Variants in MTUS2 observed in about 807,000 individuals in gnomAD.
MTUS2 encodes microtubule-associated tumor suppressor candidate 2.
In MTUS2, 40 loss-of-function variants were observed where a neutral mutation model predicts 114.1. The ratio of observed to expected loss-of-function variants is 0.35; its 90% CI spans 0.27 to 0.46. MTUS2 has a LOEUF of 0.46. MTUS2 is among the 20% of genes least tolerant of loss of function. The probability of loss-of-function intolerance (pLI) is 1.00; values close to 1 mark genes in which losing one functional copy is unlikely to be tolerated. For missense variants in MTUS2, 1,679 were observed against 1,705.4 expected, an observed-to-expected ratio of 0.98 and a Z score of 0.27; for synonymous variants, 688 against 672.0, an observed-to-expected ratio of 1.02 and a Z score of -0.37.
chr13:29,276,922 G>GAATA lies in MTUS2; in HGVS notation c.2645-4768_2645-4765dup, dbSNP rs1555260552. 2.0e-3 allele frequency among the ~76,000 whole-genome samples: 306 copies of GAATA among 151,428 alleles called. 3 individuals are homozygous for GAATA. Among genetic ancestry groups the GAATA allele is most frequent in the African/African-American group, 7.0e-3 (288 of 41,268 alleles). ...CAAATAAATAAATAAATAAATAAAT[G>GAATA]AATAAATAAATAAATAAGAAAAAAG... On this transcript the variant is annotated intron_variant, in intron 5 of 15. Coordinates refer to ENST00000612955, the MANE Select transcript of MTUS2 (RefSeq NM_001033602.4).
chr13:28,889,116 G>T (rs941406349), intron 2 of MTUS2, among the ~76,000 whole-genome samples: 2 of 152,170 alleles, frequency 1.3e-5, no homozygotes, highest in Non-Finnish European at 2.9e-5. Flanking sequence ...TTAATTCCTT[G>T]TGATGATGGT....
At chr13:29,076,021 C>T (rs1889177793) in intron 4 of MTUS2, among the ~76,000 whole-genome samples, 1 of 152,166 alleles carries the variant, frequency 6.6e-6, no homozygotes, top group Non-Finnish European at 1.5e-5. Context: ...ATCTCCTTAG[C>T]TAGATTTTTA....
chr13:29,163,430 G>A (rs1383293308), intron 5 of MTUS2, among the ~76,000 whole-genome samples: 3 of 152,070 alleles, frequency 2.0e-5, no homozygotes, highest in African/African-American at 7.2e-5. Context: ...TTTCCACTTG[G>A]TTCAAAATAT....
At chr13:28,883,631 CA>C (rs1438672605) in intron 2 of MTUS2, among the ~76,000 whole-genome samples, 1 of 152,012 alleles carries the variant, frequency 6.6e-6, no homozygotes, top group East Asian at 1.9e-4. Flanking sequence ...TAGTGGTTGC[CA>C]GGGGTATGGA....
intron 8 of MTUS2, among the ~76,000 whole-genome samples, chr13:29,415,547 C>T (rs1875603202): frequency 6.6e-6 from 1 of 152,078 alleles, no homozygotes; most frequent in Non-Finnish European, 1.5e-5. Flanking sequence ...TTTCCATTTT[C>T]CTGGAATTGC....
chr13:28,920,003 A>G (rs954580050), intron 2 of MTUS2, among the ~76,000 whole-genome samples: 3 of 152,226 alleles, frequency 2.0e-5, no homozygotes, highest in African/African-American at 7.2e-5. Context: ...GAGTTTCCTC[A>G]ACACAACTAA....
intron 2 of MTUS2, among the ~76,000 whole-genome samples, chr13:28,954,535 T>C (rs1882967762): frequency 6.6e-6 from 1 of 152,166 alleles, no homozygotes; most frequent in South Asian, 2.1e-4. Context: ...TATTCAGGAA[T>C]GTATTCATAG....
intron 13 of MTUS2, chr13:29,497,843 C>T (rs1021150179): frequency 1.2e-5 from 2 of 167,308 alleles, no homozygotes; most frequent in African/African-American, 4.8e-5. Context: ...TAAGTATGTC[C>T]CATGCAATAC....
intron 8 of MTUS2, among the ~76,000 whole-genome samples, chr13:29,418,812 G>A (rs7491516): frequency 0.18 from 27,392 of 152,144 alleles, 2,697 homozygotes; most frequent in Middle Eastern, 0.25. Context: ...GACCCTCCCC[G>A]TGTGGGTGGG....
intron 5 of MTUS2, 44 bp from the exon 6 acceptor site, chr13:29,281,660 A>G (rs1350361207): frequency 5.2e-6 from 8 of 1,539,804 alleles, no homozygotes; most frequent in Admixed American, 2.0e-5. Context: ...GGCTCCATCC[A>G]TTTTTCATGA....
Position 29,041,591 on chromosome 13 carries a change from C to T in MTUS2, c.2446+7466C>T, listed in dbSNP as rs147841869. Among the ~76,000 whole-genome samples, 1,225 of 152,154 alleles carry T rather than the reference C, an allele frequency of 8.1e-3. 16 individuals carry two copies. Among genetic ancestry groups the T allele is most frequent in the African/African-American group, 0.028 (1,169 of 41,528 alleles). On this transcript the variant is annotated intron_variant, in intron 4 of 15. Coordinates refer to ENST00000612955, the MANE Select transcript of MTUS2 (RefSeq NM_001033602.4). The stretch of plus-strand genomic sequence containing the variant: ...CATCCATGAGCATGGCATATGTTTC[C>T]ATTTGTTTGTGTCATCTGTGATTTT...
chr13:28,974,899 A>G (rs1884019265), intron 2 of MTUS2, among the ~76,000 whole-genome samples: 1 of 152,258 alleles, frequency 6.6e-6, no homozygotes, highest in South Asian at 2.1e-4. Flanking sequence ...AGAATGAATA[A>G]TAAATGGCAA....
chr13:28,996,139 G>C (rs577794489), intron 2 of MTUS2, among the ~76,000 whole-genome samples: 1 of 152,134 alleles, frequency 6.6e-6, no homozygotes, highest in African/African-American at 2.4e-5. Flanking sequence ...GGCCTTTTCT[G>C]CATCTATTGA....
rs150796094 is a variant in MTUS2, at chr13:29,047,216, TC to T, written c.2446+13092del. Among the ~76,000 whole-genome samples the T allele has an allele frequency of 1.9e-3, 296 of 152,342 alleles. 5 individuals carry two copies. In the East Asian group the frequency reaches 0.055, roughly 28 times the overall value. On this transcript the variant is annotated intron_variant, in intron 4 of 15. Coordinates refer to ENST00000612955, the MANE Select transcript of MTUS2 (RefSeq NM_001033602.4). The stretch of plus-strand genomic sequence containing the variant: ...TTGCAGAAATTATACAACTTCTCTC[TC>T]AGTTTCTTCTTCTGTGAAATGGAAG...
intron 8 of MTUS2, among the ~76,000 whole-genome samples, chr13:29,373,070 G>C (rs1871319619): frequency 6.6e-6 from 1 of 152,182 alleles, no homozygotes; most frequent in South Asian, 2.1e-4. Flanking sequence ...TTGAAACCTG[G>C]AAGTGGTCAC....
intron 5 of MTUS2, among the ~76,000 whole-genome samples, chr13:29,135,450 G>A (rs551084260): frequency 1.8e-4 from 28 of 152,240 alleles, no homozygotes; most frequent in African/African-American, 5.8e-4. Context: ...TGTAGGCAGC[G>A]TATAGTTGGA....
At chr13:28,980,638 T>C (rs1884318394) in intron 2 of MTUS2, among the ~76,000 whole-genome samples, 1 of 152,246 alleles carries the variant, frequency 6.6e-6, no homozygotes, top group Non-Finnish European at 1.5e-5. Flanking sequence ...ATGTTTTTCT[T>C]GTACAAACAC....
At chr13:28,904,394 A>C (rs1211786728) in intron 2 of MTUS2, among the ~76,000 whole-genome samples, 5 of 152,140 alleles carry the variant, frequency 3.3e-5, no homozygotes, top group Non-Finnish European at 7.4e-5. Context: ...TAGGTCTAAC[A>C]TGTAAGTCTT....
At chr13:28,876,125 A>G (rs1390887905) in intron 2 of MTUS2, among the ~76,000 whole-genome samples, 1 of 152,190 alleles carries the variant, frequency 6.6e-6, no homozygotes, top group Non-Finnish European at 1.5e-5. Context: ...TGGAAGTTGT[A>G]TACTGAGTGT....
Sources: allele counts gnomAD v4.1 joint callset (sites outside exome capture counted in the v4.1 genomes callset), GRCh38; gene constraint gnomAD v4.1.1; transcripts MANE v1.5; gene names NCBI Gene and HGNC (gene_info 2026-07-23, HGNC 2026-07-21).